The following IL1RAPL1 variants were observed in gnomAD, a reference collection of about 807,000 sequenced individuals.
IL1RAPL1 encodes the protein interleukin 1 receptor accessory protein like 1, also known as interleukin-1 receptor accessory protein-like 1.
Under a neutral mutation model 48.4 loss-of-function variants are expected in IL1RAPL1, and 3 were observed. The ratio of observed to expected loss-of-function variants is 0.06; its 90% CI spans 0.03 to 0.16. The LOEUF is 0.16. Among genes scored for constraint, IL1RAPL1 ranks in the 10% least tolerant of loss-of-function variants. The pLI is 1.00. For synonymous variants in IL1RAPL1, 185 were observed against 187.7 expected (o/e 0.99, Z 0.12); for missense variants, 349 against 530.6 (o/e 0.66, Z 3.36).
At chrX:28,642,881 G>A (rs1008121840) in intron 1 of IL1RAPL1, among the ~76,000 whole-genome samples, 3 of 110,820 alleles carry the variant, frequency 2.7e-5, no homozygotes, top group Non-Finnish European at 3.8e-5. Context: ...CCAGGAGCTG[G>A]TTTTTTGAAA....
intron 1 of IL1RAPL1, among the ~76,000 whole-genome samples, chrX:28,741,473 T>A (rs1291691627): frequency 1.8e-5 from 2 of 112,163 alleles, no homozygotes; most frequent in Non-Finnish European, 3.8e-5. Context: ...TTGCAAATAT[T>A]TTCTGCCATT....
At chrX:28,931,250 A>G (rs149322238) in intron 2 of IL1RAPL1, among the ~76,000 whole-genome samples, 21 of 111,696 alleles carry the variant, frequency 1.9e-4, no homozygotes, top group African/African-American at 6.8e-4. Context: ...ATTGATCCCT[A>G]TTTTGTTGGA....
chrX:29,524,209 A>G (rs866815559), intron 5 of IL1RAPL1, among the ~76,000 whole-genome samples: 2 of 92,929 alleles, frequency 2.2e-5, no homozygotes, highest in Non-Finnish European at 4.2e-5. Context: ...TACTTTGAGT[A>G]TATGTTCTTA....
intron 5 of IL1RAPL1, among the ~76,000 whole-genome samples, chrX:29,413,519 A>C (rs373527771): frequency 1.4e-5 from 1 of 72,587 alleles, no homozygotes; most frequent in Non-Finnish European, 2.5e-5. Flanking sequence ...CCCACCCCAC[A>C]ACAGGCCCCG....
chrX:29,385,284 G>A lies in IL1RAPL1; in HGVS notation c.363-10974G>A, dbSNP rs185339538. 1.2e-4 allele frequency among the ~76,000 whole-genome samples: 13 copies of A among 111,705 alleles called. No individual in the cohort carries two copies. The East Asian group carries it at 2.8e-3, about 24-fold the overall frequency. On this transcript the variant is annotated intron_variant, in intron 3 of 10. Transcript: ENST00000378993. ...AGCCTGACCAACATGGAGAAAGCCCGTCTCTACTAAAAATACAAAATTAGC... is the reference window on the plus strand; with the variant it reads ...AGCCTGACCAACATGGAGAAAGCCCATCTCTACTAAAAATACAAAATTAGC...
At position 28,653,071 on chromosome X, in the gene IL1RAPL1, C is replaced by T. The variant is rs912160110; in HGVS notation, c.-25+65024C>T. On this transcript the variant is annotated intron_variant, in intron 1 of 10. Transcript: ENST00000378993. ...TAATCCTGTCACATAAAGTTTTGCACTTGTATTTTAGCTCAACTCAAGGAA... is the reference window on the plus strand; with the variant it reads ...TAATCCTGTCACATAAAGTTTTGCATTTGTATTTTAGCTCAACTCAAGGAA... 2.7e-5 allele frequency among the ~76,000 whole-genome samples: 3 copies of T among 112,029 alleles called. No homozygotes were observed. In the East Asian group the frequency reaches 8.4e-4, roughly 31 times the overall value.
chrX:29,664,398 C>T (rs1160638945), intron 5 of IL1RAPL1, among the ~76,000 whole-genome samples: 2 of 82,528 alleles, frequency 2.4e-5, no homozygotes, highest in African/African-American at 5.4e-5. Flanking sequence ...AGCGAGACTC[C>T]GTCTCAAAAA....
intron 1 of IL1RAPL1, among the ~76,000 whole-genome samples, chrX:28,647,029 T>C (rs945961162): frequency 9.0e-6 from 1 of 111,495 alleles, no homozygotes; most frequent in Admixed American, 9.6e-5. Context: ...ATAGCTCCAA[T>C]TGATGGCTAA....
chrX:28,682,808 C>T (rs990966367), intron 1 of IL1RAPL1, among the ~76,000 whole-genome samples: 1 of 112,098 alleles, frequency 8.9e-6, no homozygotes, highest in Non-Finnish European at 1.9e-5. Context: ...TCCTCTAGTA[C>T]GTTTCTTCCT....
chrX:29,351,122 G>A (rs1933225288), intron 3 of IL1RAPL1, among the ~76,000 whole-genome samples: 1 of 111,930 alleles, frequency 8.9e-6, no homozygotes, highest in Non-Finnish European at 1.9e-5. Context: ...AGGATAGTGT[G>A]CTTGACAAAA....
chrX:29,700,468 C>T (rs1204374351), intron 6 of IL1RAPL1, among the ~76,000 whole-genome samples: 1 of 111,676 alleles, frequency 9.0e-6, no homozygotes, highest in African/African-American at 3.2e-5. Flanking sequence ...TCTTGTTTTA[C>T]CCTCTGTTTC....
intron 1 of IL1RAPL1, among the ~76,000 whole-genome samples, chrX:28,698,930 G>A (rs1272124837): frequency 8.9e-6 from 1 of 111,762 alleles, no homozygotes; most frequent in Non-Finnish European, 1.9e-5. Context: ...ACAGTTCATG[G>A]GAATGTCAGA....
chrX:29,873,854 T>G (rs185900349), intron 6 of IL1RAPL1, among the ~76,000 whole-genome samples: 53 of 111,785 alleles, frequency 4.7e-4, no homozygotes, highest in Non-Finnish European at 8.5e-4. Flanking sequence ...CACAGATCAG[T>G]ATAGATAAGG....
intron 3 of IL1RAPL1, among the ~76,000 whole-genome samples, chrX:29,300,131 G>A (rs1932509742): frequency 8.9e-6 from 1 of 111,923 alleles, no homozygotes; most frequent in South Asian, 3.7e-4. Context: ...AACTAAATAA[G>A]CATCGCTTCT....
chrX:29,772,674 C>G (rs1188688411), intron 6 of IL1RAPL1, among the ~76,000 whole-genome samples: 2 of 112,034 alleles, frequency 1.8e-5, no homozygotes, highest in Non-Finnish European at 3.8e-5. Context: ...TGGGTAGAAC[C>G]TAATTTCCAG....
chrX:29,803,619 A>C (rs1157847397), intron 6 of IL1RAPL1, among the ~76,000 whole-genome samples: 1 of 103,200 alleles, frequency 9.7e-6, no homozygotes, highest in African/African-American at 3.5e-5. Context: ...ACGTGTGTAT[A>C]TATGTATATA....
At chrX:29,935,410 C>T (rs897647898) in intron 8 of IL1RAPL1, among the ~76,000 whole-genome samples, 3 of 111,028 alleles carry the variant, frequency 2.7e-5, no homozygotes, top group Non-Finnish European at 5.7e-5. Context: ...TCATATTTAC[C>T]GGTTGACATT....
chrX:28,821,539 G>A (rs911736642), intron 2 of IL1RAPL1, among the ~76,000 whole-genome samples: 2 of 111,681 alleles, frequency 1.8e-5, no homozygotes, highest in African/African-American at 6.5e-5. Context: ...ATGCAGATAT[G>A]TATGGTAAAG....
At chrX:29,298,909 A>G (rs1932490640) in intron 3 of IL1RAPL1, among the ~76,000 whole-genome samples, 1 of 111,253 alleles carries the variant, frequency 9.0e-6, no homozygotes, top group Non-Finnish European at 1.9e-5. Context: ...GGATTGAAGG[A>G]TGCAAAGTAT....
Sources: allele counts gnomAD v4.1 joint callset (sites outside exome capture counted in the v4.1 genomes callset), GRCh38; gene constraint gnomAD v4.1.1; transcripts MANE v1.5; gene names NCBI Gene and HGNC (gene_info 2026-07-23, HGNC 2026-07-21).